Variants in FOXK2 observed in about 807,000 individuals in gnomAD.
FOXK2 encodes forkhead box K2, also known as forkhead box protein K2.
In FOXK2, 24 loss-of-function variants were observed where a neutral mutation model predicts 53.3. The observed-to-expected ratio is 0.45, with a 90% confidence interval of 0.33 to 0.63. The LOEUF is 0.63. Among genes scored for constraint, FOXK2 ranks in the 30% least tolerant of loss-of-function variants. The pLI is 0.03. For missense variants in FOXK2, 952 were observed against 910.5 expected (o/e 1.05, Z -0.59); for synonymous variants, 505 against 407.1 (o/e 1.24, Z -2.89).
intron 1 of FOXK2, among the ~76,000 whole-genome samples, chr17:82,534,929 G>C (rs771376798): frequency 6.6e-6 from 1 of 152,200 alleles, no homozygotes; most frequent in Non-Finnish European, 1.5e-5. Flanking sequence ...CGCCCAGCTG[G>C]AGTGCAGTGG....
chr17:82,538,989 A>G (rs1415183281), intron 1 of FOXK2, among the ~76,000 whole-genome samples: 2 of 152,244 alleles, frequency 1.3e-5, no homozygotes, highest in Non-Finnish European at 2.9e-5. Context: ...CACGTTTGGA[A>G]TGTTTAAGAC....
Position 82,586,213 on chromosome 17 carries a change from G to A in FOXK2, c.1576+13G>A, listed in dbSNP as rs753926168. 3.1e-6 allele frequency: 4 copies of A among 1,285,588 alleles called. No homozygotes were observed. Among genetic ancestry groups the A allele is most frequent in the East Asian group, 7.4e-5 (2 of 27,032 alleles). The allele number at this position is 1,285,588 out of a possible 1,614,324, so 79.6% of individuals were successfully genotyped here. Reference sequence around the variant, plus strand: ...AGGGAAGTCAAAGGTAGGCGGAGGGGAAAGGAGGAGAGGGGAGACCACAGG... The same window carrying A: ...AGGGAAGTCAAAGGTAGGCGGAGGGAAAAGGAGGAGAGGGGAGACCACAGG... On this transcript the variant is annotated intron_variant, in intron 7 of 8. Coordinates refer to ENST00000335255, the MANE Select transcript of FOXK2 (RefSeq NM_004514.4).
intron 1 of FOXK2, among the ~76,000 whole-genome samples, chr17:82,520,531 C>CT (rs2044350715): frequency 6.6e-6 from 1 of 152,184 alleles, no homozygotes; most frequent in Admixed American, 6.5e-5. Flanking sequence ...TGCAGCCCCC[C>CT]GTCTTTCCCC....
At chr17:82,580,137 C>T (rs1302577502) in intron 4 of FOXK2, among the ~76,000 whole-genome samples, 4 of 137,416 alleles carry the variant, frequency 2.9e-5, no homozygotes, top group Non-Finnish European at 6.3e-5. Context: ...ATCCCTCCCA[C>T]ACATGGCCTA....
intron 8 of FOXK2, chr17:82,601,046 C>G (rs2045376845): frequency 6.6e-6 from 3 of 455,900 alleles, no homozygotes; most frequent in Non-Finnish European, 1.2e-5. Flanking sequence ...GTCCGCTAAT[C>G]AGGCAGTTCA....
intron 1 of FOXK2, among the ~76,000 whole-genome samples, chr17:82,535,173 C>T (rs1490855419): frequency 1.3e-5 from 2 of 152,232 alleles, no homozygotes; most frequent in Admixed American, 6.5e-5. Flanking sequence ...AGCCACCGTG[C>T]CCGGCCTTGG....
At position 82,567,630 on chromosome 17, in the gene FOXK2, C is replaced by A. The variant is rs1053499346; in HGVS notation, c.615-424C>A. Among the ~76,000 whole-genome samples, 5 of 152,232 alleles carry A rather than the reference C, an allele frequency of 3.3e-5. No individual in the cohort carries two copies. In the South Asian group the frequency reaches 1.0e-3, roughly 32 times the overall value. ...GGCAGACCCCTCCCCTCCCCCACCA[C>A]CCCGACTTTCCCTGTCTTTTCTGTG... On this transcript the variant is annotated intron_variant, in intron 2 of 8. Transcript: ENST00000335255.
chr17:82,521,998 A>G (rs2044367587), intron 1 of FOXK2, among the ~76,000 whole-genome samples: 2 of 147,274 alleles, frequency 1.4e-5, no homozygotes, highest in Non-Finnish European at 3.0e-5. Flanking sequence ...TGTAGACGGT[A>G]TGAAATCAAT....
intron 2 of FOXK2, among the ~76,000 whole-genome samples, chr17:82,564,976 T>C (rs371746114): frequency 4.6e-5 from 7 of 151,974 alleles, no homozygotes; most frequent in African/African-American, 1.2e-4. Context: ...GTGATCCGCC[T>C]GCCTCGGCCT....
chr17:82,534,671 C>T (rs74368145), intron 1 of FOXK2, among the ~76,000 whole-genome samples: 5,933 of 152,328 alleles, frequency 0.039, 125 homozygotes, highest in Non-Finnish European at 0.044. Context: ...ACACTTCAGC[C>T]CATCCAGGTT....
At chr17:82,554,559 A>G (rs2044705271) in intron 1 of FOXK2, among the ~76,000 whole-genome samples, 1 of 152,146 alleles carries the variant, frequency 6.6e-6, no homozygotes, top group South Asian at 2.1e-4. Context: ...GGCCCTCTGA[A>G]CAGGTTTGAA....
intron 1 of FOXK2, among the ~76,000 whole-genome samples, chr17:82,529,216 G>A (rs1024278104): frequency 1.6e-4 from 20 of 123,746 alleles, no homozygotes; most frequent in Admixed American, 1.1e-3. Context: ...ACTTGAAAGC[G>A]CCTTTTTTTT....
At chr17:82,539,237 C>T (rs568969114) in intron 1 of FOXK2, among the ~76,000 whole-genome samples, 14 of 146,258 alleles carry the variant, frequency 9.6e-5, no homozygotes, top group Non-Finnish European at 1.8e-4. Flanking sequence ...GGTGGCCGGG[C>T]GTGGTGGCTC....
At chr17:82,567,982 G>A in intron 2 of FOXK2, 72 bp from the exon 3 acceptor site, 3 of 1,096,492 alleles carry the variant, frequency 2.7e-6, no homozygotes, top group Non-Finnish European at 2.5e-6. Context: ...TGTAATTAAA[G>A]CCAGTTGCTG....
intron 2 of FOXK2, among the ~76,000 whole-genome samples, chr17:82,563,750 CCTTT>C (rs752707805): frequency 0.034 from 3,239 of 94,538 alleles, 285 homozygotes; most frequent in East Asian, 0.29. Flanking sequence ...TTACTCATTC[CCTTT>C]TTTTTTTTTT....
At chr17:82,597,973 C>T (rs1338700827) in intron 8 of FOXK2, among the ~76,000 whole-genome samples, 1 of 152,150 alleles carries the variant, frequency 6.6e-6, no homozygotes, top group Non-Finnish European at 1.5e-5. Flanking sequence ...TCACTCCAGG[C>T]CTCTCACTAC....
intron 4 of FOXK2, among the ~76,000 whole-genome samples, chr17:82,572,711 T>A (rs1348075435): frequency 2.6e-5 from 4 of 152,206 alleles, no homozygotes; most frequent in African/African-American, 9.7e-5. Context: ...AGTTTTTTAA[T>A]TCATTAAGTA....
chr17:82,526,830 CA>C (rs140941748), intron 1 of FOXK2, among the ~76,000 whole-genome samples: 53,048 of 121,274 alleles, frequency 0.44, 9,626 homozygotes, highest in South Asian at 0.49. Flanking sequence ...GACTCCGTCT[CA>C]AAAAAAAAAA....
At chr17:82,548,720 G>C (rs537478504) in intron 1 of FOXK2, among the ~76,000 whole-genome samples, 55 of 152,208 alleles carry the variant, frequency 3.6e-4, no homozygotes, top group Non-Finnish European at 6.3e-4. Context: ...GGACTGAATA[G>C]AGGAAGGAAA....
Sources: allele counts gnomAD v4.1 joint callset (sites outside exome capture counted in the v4.1 genomes callset), GRCh38; gene constraint gnomAD v4.1.1; transcripts MANE v1.5; gene names NCBI Gene and HGNC (gene_info 2026-07-23, HGNC 2026-07-21).